The following SLC49A4 variants were observed in gnomAD, a reference collection of about 807,000 sequenced individuals.
The protein encoded by SLC49A4 is disrupted in renal cancer protein 2.
In SLC49A4, 36 loss-of-function variants were observed where a neutral mutation model predicts 50.6. The observed-to-expected ratio is 0.71, with a 90% CI of 0.55 to 0.94. The LOEUF is 0.94. SLC49A4 is among the 40% of genes least tolerant of loss of function. The pLI, the probability that SLC49A4 is intolerant of heterozygous loss-of-function variation, is 0.00. For missense variants in SLC49A4, 503 were observed against 605.7 expected (o/e 0.83, Z 1.78); for synonymous variants, 248 against 241.2 (o/e 1.03, Z -0.26).
At chr3:122,831,430 A>G (rs1218832098) in intron 3 of SLC49A4, among the ~76,000 whole-genome samples, 1 of 152,164 alleles carries the variant, frequency 6.6e-6, no homozygotes, top group African/African-American at 2.4e-5. Context: ...ATATTATTTG[A>G]CAATAAAAAA....
At position 122,872,441 on chromosome 3, in the gene SLC49A4, C is replaced by A; in HGVS notation, c.1165C>A (p.Leu389Met). ...TVTLYASCILLGVFLNSSVPI... is the reference protein window; with the variant it reads ...TVTLYASCILMGVFLNSSVPI... ...GACATTGTATGCCTCCTGTATTCTC[C>A]TGGGAGTGTTCTTGAATAGCAGCGT... The change falls in exon 8 of 9, where the codon CTG (leucine) becomes ATG (methionine). Residue 389 changes from leucine to methionine, a missense_variant. Leu to Met is a conservative substitution (Grantham distance 15). Coordinates refer to ENST00000261038, the MANE Select transcript of SLC49A4 (RefSeq NM_032839.3). 6.2e-7 allele frequency: 1 copy of A among 1,613,450 alleles called. No homozygotes were observed. The highest frequency in any genetic ancestry group is 8.5e-7 in the Non-Finnish European group (1 of 1,179,820).
At chr3:122,818,833 A>G (rs964807559) in intron 2 of SLC49A4, among the ~76,000 whole-genome samples, 2 of 151,978 alleles carry the variant, frequency 1.3e-5, no homozygotes, top group African/African-American at 4.8e-5. Context: ...AGTCCCAGCT[A>G]CTCAGGAGGT....
chr3:122,806,934 T>G lies in SLC49A4; in HGVS notation c.421T>G (p.Leu141Val). Residue 141 changes from leucine (L) to valine (V), a missense_variant, in exon 2 of 9, where the codon TTA (leucine) becomes GTA (valine). Physicochemically the swap from Leu to Val is conservative, Grantham distance 32. Transcript: ENST00000261038. ...TGLRCIPISDLILKRRLIHGG... is the reference protein window; with the variant it reads ...TGLRCIPISDVILKRRLIHGG... ...TCTAAGATGCATACCTATATCAGACTTAATCCTTAAAAGAAGGTAAATCCT... is the reference window on the plus strand; with the variant it reads ...TCTAAGATGCATACCTATATCAGACGTAATCCTTAAAAGAAGGTAAATCCT... 1.3e-6 allele frequency: 2 copies of G among 1,590,260 alleles called. No individual in the cohort carries two copies. Among genetic ancestry groups the G allele is most frequent in the Non-Finnish European group, 1.7e-6 (2 of 1,160,388 alleles).
chr3:122,857,284 T>A (rs1237833634), intron 6 of SLC49A4, among the ~76,000 whole-genome samples: 6 of 109,372 alleles, frequency 5.5e-5, no homozygotes, highest in African/African-American at 6.9e-5. Context: ...CCATTCGTTC[T>A]AAAAAAAAAA....
At chr3:122,863,211 C>T (rs1176857778) in intron 7 of SLC49A4, among the ~76,000 whole-genome samples, 1 of 152,176 alleles carries the variant, frequency 6.6e-6, no homozygotes, top group Admixed American at 6.5e-5. Context: ...CATTCCTTCT[C>T]TGAATTATAG....
rs1937316237 is a variant in SLC49A4 at position 122,880,077 on chromosome 3, G to C, written c.*699G>C. On this transcript the variant is annotated 3_prime_UTR_variant, in exon 9 of 9. Coordinates refer to ENST00000261038, the MANE Select transcript of SLC49A4 (RefSeq NM_032839.3). ...CTAGGCCCTTAAATAATTATGTGAGGGTGTCTAAATGTTTAATATGATTAC... is the reference window on the plus strand; with the variant it reads ...CTAGGCCCTTAAATAATTATGTGAGCGTGTCTAAATGTTTAATATGATTAC... 6.6e-6 allele frequency: 1 copy of C among 152,080 alleles called. No individual in the cohort carries two copies. The allele number at this position is 152,080 out of a possible 1,614,324, so 9.4% of individuals were successfully genotyped here.
At chr3:122,844,888 TAC>T (rs1261114687) in intron 4 of SLC49A4, among the ~76,000 whole-genome samples, 1 of 144,916 alleles carries the variant, frequency 6.9e-6, no homozygotes, top group African/African-American at 2.5e-5. Flanking sequence ...TATATATATA[TAC>T]CTGTACATAC....
chr3:122,798,526 G>T (rs1382847180), intron 1 of SLC49A4, among the ~76,000 whole-genome samples: 1 of 150,390 alleles, frequency 6.6e-6, no homozygotes, highest in Non-Finnish European at 1.5e-5. Flanking sequence ...TTTAGTAGAA[G>T]AAAGCAAATA....
chr3:122,809,493 A>G (rs540308057), intron 2 of SLC49A4, among the ~76,000 whole-genome samples: 1 of 152,298 alleles, frequency 6.6e-6, no homozygotes, highest in South Asian at 2.1e-4. Flanking sequence ...AGGCTGAGAC[A>G]GGTGGATCTC....
In SLC49A4 at chr3:122,833,274, T is replaced by G. The variant is rs1215111654; in HGVS notation, c.704-43T>G. The G allele has an allele frequency of 2.5e-6, 4 of 1,589,996 alleles. No homozygotes were observed. In the African/African-American group the frequency reaches 4.1e-5, roughly 16 times the overall value. On this transcript the variant is annotated intron_variant, in intron 3 of 8. Transcript: ENST00000261038. ...AATAAATACTTGAAGTCTTCAACTTTTTGTGTTTCCTGGTTAACATTTTAC... is the reference window on the plus strand; with the variant it reads ...AATAAATACTTGAAGTCTTCAACTTGTTGTGTTTCCTGGTTAACATTTTAC...
At chr3:122,874,675 G>C (rs995841161) in intron 8 of SLC49A4, among the ~76,000 whole-genome samples, 3 of 152,172 alleles carry the variant, frequency 2.0e-5, no homozygotes, top group African/African-American at 7.2e-5. Flanking sequence ...ATGACAATGA[G>C]GTTTGGGACA....
At chr3:122,840,186 AG>A (rs1184747725) in intron 4 of SLC49A4, among the ~76,000 whole-genome samples, 1 of 152,192 alleles carries the variant, frequency 6.6e-6, no homozygotes, top group Non-Finnish European at 1.5e-5. Flanking sequence ...AGCTAAGCTT[AG>A]GGTAGGCAAA....
At chr3:122,828,258 A>G (rs1936562380) in intron 3 of SLC49A4, among the ~76,000 whole-genome samples, 1 of 152,244 alleles carries the variant, frequency 6.6e-6, no homozygotes, top group Admixed American at 6.5e-5. Context: ...CAGGTAAACA[A>G]TTGTAAAATA....
intron 2 of SLC49A4, among the ~76,000 whole-genome samples, chr3:122,818,316 C>T (rs1001436424): frequency 1.3e-5 from 2 of 151,688 alleles, no homozygotes; most frequent in East Asian, 1.9e-4. Flanking sequence ...TACCTATGTA[C>T]GATTAAGTAT....
intron 3 of SLC49A4, among the ~76,000 whole-genome samples, chr3:122,827,808 G>A (rs1278381264): frequency 6.6e-6 from 1 of 152,232 alleles, no homozygotes; most frequent in Admixed American, 6.5e-5. Context: ...GATATACAGA[G>A]GTTGGGAGAC....
At chr3:122,833,215 T>G in intron 3 of SLC49A4, 102 bp from the exon 4 acceptor site, 1 of 1,171,822 alleles carries the variant, frequency 8.5e-7, no homozygotes, top group Admixed American at 1.9e-5. Flanking sequence ...CATTCCAGCC[T>G]GGGTGACGGA....
At chr3:122,819,978 T>A (rs1936428386) in intron 2 of SLC49A4, among the ~76,000 whole-genome samples, 1 of 152,140 alleles carries the variant, frequency 6.6e-6, no homozygotes, top group Admixed American at 6.5e-5. Flanking sequence ...ATATTAAAAA[T>A]ATATAGAATT....
intron 4 of SLC49A4, among the ~76,000 whole-genome samples, chr3:122,844,755 C>A (rs1237012552): frequency 3.3e-5 from 5 of 151,092 alleles, no homozygotes; most frequent in Non-Finnish European, 5.9e-5. Context: ...GCACTCCATC[C>A]TGGGCTACAA....
At chr3:122,831,658 A>G (rs1375722409) in intron 3 of SLC49A4, among the ~76,000 whole-genome samples, 1 of 152,206 alleles carries the variant, frequency 6.6e-6, no homozygotes, top group East Asian at 1.9e-4. Context: ...TTGTTGAAAA[A>G]ATTCTAAAAT....
Sources: gnomAD v4.1 joint callset for allele counts (sites outside exome capture counted in the v4.1 genomes callset) on GRCh38, gnomAD v4.1.1 for gene constraint, MANE v1.5 for transcripts, NCBI Gene and HGNC (gene_info 2026-07-23, HGNC 2026-07-21) for gene names.